ZFHX3: variants seen among roughly 807,000 people sequenced by gnomAD.
ZFHX3 encodes the protein zinc finger homeobox protein 3.
A neutral mutation model predicts 279.1 loss-of-function variants in ZFHX3; 42 were observed. That is an observed-to-expected ratio of 0.15 (90% confidence interval 0.12 to 0.19). ZFHX3 has a LOEUF of 0.19. Among genes scored for constraint, ZFHX3 ranks in the 10% least tolerant of loss-of-function variants. The probability of loss-of-function intolerance (pLI) is 1.00; values close to 1 mark genes in which losing one functional copy is unlikely to be tolerated. For synonymous variants in ZFHX3, 2,293 were observed against 1,957.8 expected, an observed-to-expected ratio of 1.17 and a Z score of -4.52; for missense variants, 4,981 against 4,754.0, an observed-to-expected ratio of 1.05 and a Z score of -1.40.
intron 1 of ZFHX3, among the ~76,000 whole-genome samples, chr16:73,839,811 A>T (rs73603515): frequency 6.6e-6 from 1 of 151,892 alleles, no homozygotes; most frequent in South Asian, 2.1e-4. Flanking sequence ...CAGGTTCACG[A>T]CTCCACCCAT....
At chr16:73,426,801 T>C (rs2017818499) in intron 3 of ZFHX3, among the ~76,000 whole-genome samples, 1 of 152,206 alleles carries the variant, frequency 6.6e-6, no homozygotes, top group African/African-American at 2.4e-5. Context: ...ACCTTGAAGA[T>C]TCTTTTTGCA....
chr16:73,249,315 T>C (rs2013409502), intron 5 of ZFHX3, among the ~76,000 whole-genome samples: 1 of 152,204 alleles, frequency 6.6e-6, no homozygotes, highest in South Asian at 2.1e-4. Context: ...TTAAAGGAGA[T>C]TGTATTAGTC....
At chr16:73,682,943 AAAG>A (rs1388792545) in intron 1 of ZFHX3, among the ~76,000 whole-genome samples, 259 of 21,926 alleles carry the variant, frequency 0.012, 1 homozygote, top group Middle Eastern at 0.028. Flanking sequence ...AGAAAGAAAG[AAAG>A]AAAGAAAGAA....
exon 1 of ZFHX3, chr16:73,058,959 A>AGGCGGC (rs1484742049): frequency 6.3e-6 from 1 of 159,724 alleles, no homozygotes; most frequent in African/African-American, 2.7e-5. Context: ...GAGGAGGAGG[A>AGGCGGC]GGCGGCGGCG....
At chr16:73,606,437 G>C (rs999288453) in intron 2 of ZFHX3, among the ~76,000 whole-genome samples, 6 of 149,368 alleles carry the variant, frequency 4.0e-5, no homozygotes, top group African/African-American at 9.9e-5. Context: ...AGTGAGCTGA[G>C]TTTGTACCTT....
intron 2 of ZFHX3, among the ~76,000 whole-genome samples, chr16:73,466,952 G>A (rs751522385): frequency 5.4e-5 from 8 of 146,888 alleles, no homozygotes; most frequent in East Asian, 2.4e-4. Context: ...AAGAGGAGGC[G>A]AACTGATTTT....
chr16:73,703,121 A>C (rs559584685), intron 1 of ZFHX3, among the ~76,000 whole-genome samples: 2 of 152,302 alleles, frequency 1.3e-5, no homozygotes, highest in Admixed American at 1.3e-4. Context: ...GCAGCTCAAT[A>C]AACATCAAAC....
At chr16:73,143,860 C>T (rs943967722) in intron 5 of ZFHX3, 22 of 1,139,434 alleles carry the variant, frequency 1.9e-5, no homozygotes, top group Middle Eastern at 2.3e-4. Flanking sequence ...GACAAAAACA[C>T]GGTTGGGGAG....
At chr16:73,217,701 T>C (rs193031284) in intron 5 of ZFHX3, among the ~76,000 whole-genome samples, 1 of 152,226 alleles carries the variant, frequency 6.6e-6, no homozygotes, top group East Asian at 1.9e-4. Flanking sequence ...CATAATATTA[T>C]TGGGCTTTGC....
chr16:73,381,736 T>C (rs6564135), intron 3 of ZFHX3, among the ~76,000 whole-genome samples: 130,246 of 152,192 alleles, frequency 0.86, 56,087 homozygotes, highest in African/African-American at 0.9. Context: ...ACAAAACATA[T>C]ACTAACAATA....
intron 5 of ZFHX3, among the ~76,000 whole-genome samples, chr16:73,144,672 A>C (rs758924198): frequency 6.6e-6 from 1 of 152,190 alleles, no homozygotes; most frequent in Non-Finnish European, 1.5e-5. Context: ...CAACGAATGC[A>C]GAAGACATTC....
At chr16:73,394,903 A>T (rs2017096284) in intron 3 of ZFHX3, among the ~76,000 whole-genome samples, 1 of 152,194 alleles carries the variant, frequency 6.6e-6, no homozygotes, top group South Asian at 2.1e-4. Flanking sequence ...AAGGGTAAAG[A>T]CATTTGCCTT....
At chr16:73,568,023 T>C (rs372077552) in intron 2 of ZFHX3, among the ~76,000 whole-genome samples, 6 of 152,206 alleles carry the variant, frequency 3.9e-5, no homozygotes, top group African/African-American at 1.4e-4. Context: ...AGTCCTCAAA[T>C]TACGTTCTTC....
Position 72,957,816 on chromosome 16 carries a change from A to AGCCGCCG in ZFHX3, c.2329_2330insCGGCGGC (p.Val777AlafsTer14), listed in dbSNP as rs769904127. 1 of 1,574,358 alleles carries AGCCGCCG rather than the reference A, an allele frequency of 6.4e-7. No homozygotes were observed. Among genetic ancestry groups the AGCCGCCG allele is most frequent in the Admixed American group, 1.8e-5 (1 of 56,812 alleles). On this transcript the variant is annotated frameshift_variant, in exon 2 of 10. Transcript: ENST00000268489. LOFTEE classifies it high-confidence loss of function. Reference sequence around the variant, plus strand: ...ATTGGCTGCCGCCGCCGCCGCAGCCACCGCCGCCGCCGCCGCCCCGGCAGT... The same window carrying AGCCGCCG: ...ATTGGCTGCCGCCGCCGCCGCAGCCAGCCGCCGCCGCCGCCGCCGCCGCCCCGGCAGT...
chr16:73,509,866 T>G (rs1166055082), intron 2 of ZFHX3, among the ~76,000 whole-genome samples: 2 of 152,108 alleles, frequency 1.3e-5, no homozygotes, highest in African/African-American at 4.8e-5. Flanking sequence ...CGGCTGATTT[T>G]TGCATTTTTA....
intron 2 of ZFHX3, among the ~76,000 whole-genome samples, chr16:73,476,083 C>T (rs1485515364): frequency 6.6e-6 from 1 of 152,102 alleles, no homozygotes; most frequent in Non-Finnish European, 1.5e-5. Flanking sequence ...CGGTTCTTTT[C>T]TTTCTGTTAT....
Position 72,787,239 on chromosome 16 carries a change from C to A in ZFHX3, c.11037G>T (p.Val3679=), listed in dbSNP as rs770207127. 6.2e-7 allele frequency: 1 copy of A among 1,613,934 alleles called. No homozygotes were observed. The highest frequency in any genetic ancestry group is 1.3e-5 in the African/African-American group (1 of 74,860). The stretch of plus-strand genomic sequence containing the variant: ...GGCAGCTGGGGTCTTTGGGACCCTC[C>A]ACCGGGCTCGCCGGTCCGTCGGACT... The part of the protein sequence containing the change: ...SQKSDGPASP[V]EGPKDPSCPK... Residue 3679 remains valine, a synonymous_variant, in exon 10 of 10, where the codon GTG becomes GTT. Coordinates refer to ENST00000268489, the MANE Select transcript of ZFHX3 (RefSeq NM_006885.4).
chr16:72,817,042 G>A (rs146300545), intron 5 of ZFHX3, among the ~76,000 whole-genome samples: 111 of 152,314 alleles, frequency 7.3e-4, no homozygotes, highest in African/African-American at 2.4e-3. Flanking sequence ...GCAAGAAATG[G>A]TTTTATTACG....
At chr16:72,915,341 T>C (rs1289734936) in intron 3 of ZFHX3, among the ~76,000 whole-genome samples, 1 of 152,106 alleles carries the variant, frequency 6.6e-6, no homozygotes, top group East Asian at 1.9e-4. Context: ...AGATCTTCCA[T>C]CAACACCTAG....
Sources: allele counts gnomAD v4.1 joint callset (sites outside exome capture counted in the v4.1 genomes callset), GRCh38; gene constraint gnomAD v4.1.1; transcripts MANE v1.5; gene names NCBI Gene and HGNC (gene_info 2026-07-23, HGNC 2026-07-21).